CHRM3: variants seen among roughly 807,000 people sequenced by gnomAD.
The protein encoded by CHRM3 is muscarinic acetylcholine receptor M3.
CHRM3 carries 11 observed loss-of-function variants against 41.8 expected under a neutral mutation model. The observed-to-expected ratio is 0.26, with a 90% CI of 0.17 to 0.44. The LOEUF (loss-of-function observed/expected upper bound fraction) is 0.44, where lower values mean the gene tolerates loss of function less well. Ranked by LOEUF, CHRM3 falls within the 20% of genes least tolerant of loss-of-function variation. The probability of loss-of-function intolerance (pLI) is 1.00; values close to 1 mark genes in which losing one functional copy is unlikely to be tolerated. For missense variants in CHRM3, 571 were observed against 745.4 expected (o/e 0.77, Z 2.72); for synonymous variants, 297 against 301.4 (o/e 0.99, Z 0.15).
At chr1:239,731,251 G>T (rs1413992797) in intron 5 of CHRM3, among the ~76,000 whole-genome samples, 2 of 151,914 alleles carry the variant, frequency 1.3e-5, no homozygotes, top group Non-Finnish European at 2.9e-5. Flanking sequence ...AGAGATCCAG[G>T]AGTCATCACT....
intron 6 of CHRM3, among the ~76,000 whole-genome samples, chr1:239,882,530 A>G (rs1195614078): frequency 1.3e-5 from 2 of 152,162 alleles, no homozygotes; most frequent in African/African-American, 4.8e-5. Context: ...CCGTTTTACC[A>G]CTTAGGTACA....
At chr1:239,582,506 C>A (rs955722360) in intron 3 of CHRM3, among the ~76,000 whole-genome samples, 1 of 152,196 alleles carries the variant, frequency 6.6e-6, no homozygotes, top group Admixed American at 6.5e-5. Context: ...AGCCCCTATG[C>A]TCATGGGTCT....
intron 6 of CHRM3, among the ~76,000 whole-genome samples, chr1:239,831,113 T>C (rs1256543705): frequency 1.3e-5 from 2 of 152,146 alleles, no homozygotes; most frequent in East Asian, 1.9e-4. Flanking sequence ...AAAAGCAGCA[T>C]TGCTTAGAAG....
At chr1:239,692,214 A>T (rs1370579284) in intron 5 of CHRM3, among the ~76,000 whole-genome samples, 1 of 152,114 alleles carries the variant, frequency 6.6e-6, no homozygotes, top group East Asian at 1.9e-4. Flanking sequence ...TCATGATGAT[A>T]CACCTCATCT....
At chr1:239,436,447 C>A (rs1663277624) in intron 1 of CHRM3, among the ~76,000 whole-genome samples, 1 of 152,064 alleles carries the variant, frequency 6.6e-6, no homozygotes, top group South Asian at 2.1e-4. Context: ...GATGAGTGGT[C>A]TGGCTGCCCC....
chr1:239,594,073 A>T (rs1474534404), intron 3 of CHRM3, among the ~76,000 whole-genome samples: 1 of 152,138 alleles, frequency 6.6e-6, no homozygotes, highest in Non-Finnish European at 1.5e-5. Flanking sequence ...TTAATGTCTA[A>T]ATTATTTTGT....
At chr1:239,807,719 T>C (rs1286365940) in intron 5 of CHRM3, among the ~76,000 whole-genome samples, 1 of 152,170 alleles carries the variant, frequency 6.6e-6, no homozygotes, top group Non-Finnish European at 1.5e-5. Context: ...ATCAACTTAA[T>C]CACATTAAAA....
At chr1:239,640,685 T>TA (rs1331299874) in intron 4 of CHRM3, among the ~76,000 whole-genome samples, 3 of 150,734 alleles carry the variant, frequency 2.0e-5, no homozygotes, top group Non-Finnish European at 4.4e-5. Context: ...GCTAGCAGTC[T>TA]ATCAATTTTG....
intron 2 of CHRM3, among the ~76,000 whole-genome samples, chr1:239,526,995 T>C (rs1255356299): frequency 6.6e-6 from 1 of 152,100 alleles, no homozygotes; most frequent in East Asian, 1.9e-4. Flanking sequence ...TAGTGGTGCA[T>C]GCCTGTGGTC....
intron 4 of CHRM3, among the ~76,000 whole-genome samples, chr1:239,650,563 T>G (rs2148964916): frequency 6.6e-6 from 1 of 152,282 alleles, no homozygotes; most frequent in African/African-American, 2.4e-5. Flanking sequence ...GATGTGTGAT[T>G]TGGAGACAAA....
At chr1:239,480,543 ATT>A (rs745979239) in intron 1 of CHRM3, among the ~76,000 whole-genome samples, 2,378 of 110,510 alleles carry the variant, frequency 0.022, 24 homozygotes, top group African/African-American at 0.086. Flanking sequence ...CGATAGCCCA[ATT>A]TTTTTTTTTT....
chr1:239,501,807 A>T (rs1053875969), intron 2 of CHRM3, among the ~76,000 whole-genome samples: 5 of 152,144 alleles, frequency 3.3e-5, no homozygotes, highest in Non-Finnish European at 7.3e-5. Flanking sequence ...GTGAGCTGAG[A>T]TCGCGCTGCT....
intron 3 of CHRM3, among the ~76,000 whole-genome samples, chr1:239,575,235 G>T (rs1662222285): frequency 6.6e-6 from 1 of 152,024 alleles, no homozygotes; most frequent in African/African-American, 2.4e-5. Flanking sequence ...CTACGTATTA[G>T]CACCTTCACA....
intron 3 of CHRM3, among the ~76,000 whole-genome samples, chr1:239,619,327 T>C (rs1229566654): frequency 6.6e-6 from 1 of 152,172 alleles, no homozygotes; most frequent in Non-Finnish European, 1.5e-5. Flanking sequence ...CTGGACTGCC[T>C]GAAGTCCACA....
chr1:239,629,681 C>G (rs957554093), intron 3 of CHRM3: 4 of 152,116 alleles, frequency 2.6e-5, no homozygotes, highest in African/African-American at 9.7e-5. Flanking sequence ...ACCAAAACCA[C>G]AATATTTCCA....
At chr1:239,613,364 A>G (rs1667274951) in intron 3 of CHRM3, among the ~76,000 whole-genome samples, 1 of 152,258 alleles carries the variant, frequency 6.6e-6, no homozygotes, top group African/African-American at 2.4e-5. Context: ...GCAAACTGCA[A>G]TATGTGATTT....
intron 2 of CHRM3, among the ~76,000 whole-genome samples, chr1:239,498,721 T>C (rs1034550422): frequency 1.3e-5 from 2 of 152,214 alleles, no homozygotes; most frequent in Non-Finnish European, 2.9e-5. Context: ...TATACTTTTG[T>C]GTGTAAATTA....
intron 5 of CHRM3, among the ~76,000 whole-genome samples, chr1:239,735,648 G>A (rs1399538631): frequency 2.0e-5 from 3 of 152,008 alleles, no homozygotes; most frequent in Non-Finnish European, 4.4e-5. Context: ...CATTTCTTTT[G>A]CTGACCATCT....
intron 5 of CHRM3, among the ~76,000 whole-genome samples, chr1:239,826,095 T>A (rs1408537807): frequency 2.0e-5 from 3 of 152,314 alleles, no homozygotes. Context: ...AGTTTCAGTT[T>A]CGCAAGATGA....
Sources: gnomAD v4.1 joint callset for allele counts (sites outside exome capture counted in the v4.1 genomes callset) on GRCh38, gnomAD v4.1.1 for gene constraint, MANE v1.5 for transcripts, NCBI Gene and HGNC (gene_info 2026-07-23, HGNC 2026-07-21) for gene names.